The following PARM1 variants were observed in gnomAD, a reference collection of about 807,000 sequenced individuals.
The protein encoded by PARM1 is prostate androgen-regulated mucin-like protein 1.
A neutral mutation model predicts 24.6 loss-of-function variants in PARM1; 14 were observed. That is an observed-to-expected ratio of 0.57 (90% confidence interval 0.38 to 0.89). The LOEUF is 0.89. PARM1 is among the 40% of genes least tolerant of loss of function. The pLI is 0.00. For missense variants in PARM1, 362 were observed against 380.4 expected (o/e 0.95, Z 0.40); for synonymous variants, 179 against 156.6 (o/e 1.14, Z -1.07).
chr4:74,968,690 A>G (rs1222403350), intron 1 of PARM1, among the ~76,000 whole-genome samples: 2 of 152,150 alleles, frequency 1.3e-5, no homozygotes, highest in Admixed American at 6.6e-5. Flanking sequence ...CTATTCATTC[A>G]CTCATTCATT....
intron 2 of PARM1, among the ~76,000 whole-genome samples, chr4:75,014,773 C>G (rs1722949826): frequency 6.6e-6 from 1 of 152,172 alleles, no homozygotes; most frequent in Admixed American, 6.5e-5. Flanking sequence ...ATTGACTCCT[C>G]TGTGCAGCCC....
chr4:75,033,432 T>G (rs2109808869), intron 2 of PARM1, among the ~76,000 whole-genome samples: 1 of 152,268 alleles, frequency 6.6e-6, no homozygotes, highest in East Asian at 1.9e-4. Flanking sequence ...GCACTGACCC[T>G]TGAATAAAAC....
chr4:75,013,746 A>G (rs994933235), intron 2 of PARM1, among the ~76,000 whole-genome samples: 1 of 152,258 alleles, frequency 6.6e-6, no homozygotes, highest in Non-Finnish European at 1.5e-5. Flanking sequence ...AGTCACTGAT[A>G]TATTTCAAGG....
At chr4:74,933,422 G>A in intron 1 of PARM1, 52 bp downstream of exon 1, 2 of 1,527,140 alleles carry the variant, frequency 1.3e-6, no homozygotes, top group Admixed American at 1.7e-5. Flanking sequence ...GGCCCCAGTA[G>A]CTAGCGCGTG....
At chr4:74,986,548 T>C (rs1816181) in intron 1 of PARM1, among the ~76,000 whole-genome samples, 22,029 of 152,094 alleles carry the variant, frequency 0.14, 1,787 homozygotes, top group East Asian at 0.34. Flanking sequence ...CATATGTGTC[T>C]ATGTGTGAAA....
At chr4:74,973,494 A>G (rs1255903789) in intron 1 of PARM1, among the ~76,000 whole-genome samples, 2 of 124,694 alleles carry the variant, frequency 1.6e-5, no homozygotes, top group Admixed American at 2.3e-4. Context: ...GTTATATATC[A>G]CAGTCCAGGG....
intron 1 of PARM1, among the ~76,000 whole-genome samples, chr4:74,941,434 A>G (rs754674399): frequency 6.6e-5 from 10 of 152,190 alleles, no homozygotes; most frequent in Non-Finnish European, 1.3e-4. Context: ...ATAAAGTTTC[A>G]TGAGTCCAAG....
Position 75,044,062 on chromosome 4 carries a change from T to A in PARM1, c.849-2101T>A, listed in dbSNP as rs541752964. ...AGTTCTTTGCAAAAAAAAAAAAAATTGTCTTTTTGCAAATACCTGGCAGAT... is the reference window on the plus strand; with the variant it reads ...AGTTCTTTGCAAAAAAAAAAAAAATAGTCTTTTTGCAAATACCTGGCAGAT... On this transcript the variant is annotated intron_variant, in intron 3 of 3. Transcript: ENST00000307428. Among the ~76,000 whole-genome samples, 787 of 146,896 alleles carry A rather than the reference T, an allele frequency of 5.4e-3. 9 individuals are homozygous for A. Among genetic ancestry groups the A allele is most frequent in the African/African-American group, 0.018 (734 of 40,162 alleles).
intron 1 of PARM1, among the ~76,000 whole-genome samples, chr4:74,996,090 C>T (rs1383012079): frequency 6.6e-6 from 1 of 152,180 alleles, no homozygotes; most frequent in Non-Finnish European, 1.5e-5. Context: ...GACTCTTACT[C>T]ATCTTTCCCA....
chr4:75,020,347 C>G (rs1723068165), intron 2 of PARM1, among the ~76,000 whole-genome samples: 3 of 152,122 alleles, frequency 2.0e-5, no homozygotes. Flanking sequence ...TTTCAGTTCT[C>G]TCTCTCCCAC....
intron 2 of PARM1, among the ~76,000 whole-genome samples, chr4:75,029,907 T>G (rs924722139): frequency 2.0e-5 from 3 of 152,196 alleles, no homozygotes; most frequent in East Asian, 1.9e-4. Flanking sequence ...TAATCTTTTT[T>G]AAGCTAAAAG....
At chr4:75,001,598 G>T (rs1722681686) in intron 1 of PARM1, among the ~76,000 whole-genome samples, 2 of 152,262 alleles carry the variant, frequency 1.3e-5, no homozygotes, top group African/African-American at 2.4e-5. Flanking sequence ...TAAGACGTGT[G>T]CATTTTACTG....
chr4:75,027,458 C>A (rs1268051426), intron 2 of PARM1, among the ~76,000 whole-genome samples: 2 of 152,088 alleles, frequency 1.3e-5, no homozygotes, highest in East Asian at 3.9e-4. Context: ...GACAAAGAGA[C>A]TTCCAATAAT....
chr4:74,936,620 A>G (rs997264777), intron 1 of PARM1, among the ~76,000 whole-genome samples: 5 of 150,920 alleles, frequency 3.3e-5, no homozygotes, highest in Admixed American at 1.3e-4. Flanking sequence ...CACCCGTCTA[A>G]TTTTTTTTGT....
intron 2 of PARM1, among the ~76,000 whole-genome samples, chr4:75,030,084 A>G (rs989032010): frequency 6.6e-6 from 1 of 152,182 alleles, no homozygotes; most frequent in African/African-American, 2.4e-5. Context: ...CTTGAAAGAA[A>G]TTGATGCTGA....
chr4:75,002,728 G>A lies in PARM1; in HGVS notation c.44-9697G>A, dbSNP rs370379445. Among the ~76,000 whole-genome samples, 508 of 152,220 alleles carry A rather than the reference G, an allele frequency of 3.3e-3. 6 individuals are homozygous for A. The highest frequency in any genetic ancestry group is 0.011 in the African/African-American group (473 of 41,536). On this transcript the variant is annotated intron_variant, in intron 1 of 3. Coordinates refer to ENST00000307428, the MANE Select transcript of PARM1 (RefSeq NM_015393.4). ...GCCAGAAAAGTGAGGCATAGAGAAG[G>A]GAGACTGCCACCAAAGCTGCCCAGG...
At chr4:75,019,749 A>T (rs1304072980) in intron 2 of PARM1, among the ~76,000 whole-genome samples, 1 of 151,754 alleles carries the variant, frequency 6.6e-6, no homozygotes, top group Non-Finnish European at 1.5e-5. Flanking sequence ...CACGCCTGTA[A>T]TCCCAGCACT....
rs1023009931 is a variant in PARM1 at position 75,012,910 on chromosome 4, C to A, written c.529C>A (p.His177Asn). The A allele has an allele frequency of 1.9e-6, 3 of 1,613,898 alleles. No homozygotes were observed. In the African/African-American group the frequency reaches 4.0e-5, roughly 22 times the overall value. The change falls in exon 2 of 4, where the codon CAT (histidine) becomes AAT (asparagine). Residue 177 changes from histidine to asparagine, a missense_variant. Physicochemically the swap from His to Asn is moderately conservative, Grantham distance 68. Coordinates refer to ENST00000307428, the MANE Select transcript of PARM1 (RefSeq NM_015393.4). ...EVFSASVTTN[H>N]SSTVTSTQPT... ...CTTTTCTGCCTCCGTTACTACCAAC[C>A]ATAGCTCCACTGTGACCAGCACCCA... is the stretch of plus-strand genomic sequence containing the variant.
intron 1 of PARM1, among the ~76,000 whole-genome samples, chr4:74,987,057 C>T (rs991774858): frequency 1.2e-4 from 18 of 152,154 alleles, no homozygotes; most frequent in Admixed American, 1.3e-4. Flanking sequence ...CTAATACATA[C>T]TAAATGTTCA....
Sources: allele counts gnomAD v4.1 joint callset (sites outside exome capture counted in the v4.1 genomes callset), GRCh38; gene constraint gnomAD v4.1.1; transcripts MANE v1.5; gene names NCBI Gene and HGNC (gene_info 2026-07-23, HGNC 2026-07-21).